The following TSNAXIP1 variants were observed in gnomAD, a reference collection of about 807,000 sequenced individuals.
The protein encoded by TSNAXIP1 is translin-associated factor X-interacting protein 1.
Under a neutral mutation model 84.8 loss-of-function variants are expected in TSNAXIP1, and 89 were observed. That is an observed-to-expected ratio of 1.05 (90% CI 0.88 to 1.25). The LOEUF (loss-of-function observed/expected upper bound fraction) is 1.25, where lower values mean the gene tolerates loss of function less well. Ranked by LOEUF, TSNAXIP1 falls within the 50% of genes most tolerant of loss-of-function variation. The probability of loss-of-function intolerance (pLI) is 0.00; values close to 1 mark genes in which losing one functional copy is unlikely to be tolerated. For missense variants in TSNAXIP1, 874 were observed against 887.6 expected (o/e 0.98, Z 0.20); for synonymous variants, 347 against 335.2 (o/e 1.04, Z -0.39).
intron 1 of TSNAXIP1, among the ~76,000 whole-genome samples, chr16:67,810,117 C>T (rs2055912003): frequency 6.6e-6 from 1 of 152,122 alleles, no homozygotes; most frequent in Admixed American, 6.6e-5. Flanking sequence ...GATGGATAAG[C>T]TAGACCTTAG....
intron 4 of TSNAXIP1, among the ~76,000 whole-genome samples, chr16:67,821,572 C>T (rs193286771): frequency 6.6e-6 from 1 of 151,656 alleles, no homozygotes; most frequent in Non-Finnish European, 1.5e-5. Flanking sequence ...AGTGAGACTC[C>T]GTCTCAAAAA....
chr16:67,825,922 C>A lies in TSNAXIP1; in HGVS notation c.990C>A (p.Asp330Glu). Residue 330 changes from aspartate (D) to glutamate (E), a missense_variant, in exon 9 of 16, where the codon GAC becomes GAA. Physicochemically the swap from Asp to Glu is conservative, Grantham distance 45. Transcript: ENST00000561639. Reference protein sequence around the residue: ...KTNKDLQEQLDTLRASYEEVR... With the variant: ...KTNKDLQEQLETLRASYEEVR... ...GCCAATGTCCTTGCCCACAGCTGGA[C>A]ACCCTGAGAGCCAGCTACGAGGAGG... is the stretch of plus-strand genomic sequence containing the variant. The A allele has an allele frequency of 1.2e-6, 2 of 1,614,074 alleles. No homozygotes were observed. The highest frequency in any genetic ancestry group is 1.3e-5 in the African/African-American group (1 of 75,038).
At chr16:67,816,844 G>T (rs544847352) in intron 2 of TSNAXIP1, among the ~76,000 whole-genome samples, 1 of 152,082 alleles carries the variant, frequency 6.6e-6, no homozygotes, top group Non-Finnish European at 1.5e-5. Flanking sequence ...GCCGAGACCC[G>T]GCCCTGGCAG....
chr16:67,825,629 CACGGTGACACGG>C, intron 7 of TSNAXIP1, 26 bp from the exon 8 acceptor site: 1 of 1,582,946 alleles, frequency 6.3e-7, no homozygotes, highest in Non-Finnish European at 8.6e-7. Flanking sequence ...CTGAGAAAGC[CACGGTGACACGG>C]GCTGGTGGGC....
chr16:67,827,333 C>T lies in TSNAXIP1; in HGVS notation c.1749C>T (p.Ser583=), dbSNP rs1416336283. Residue 583 remains serine, a synonymous_variant, in exon 14 of 16, where the codon AGC becomes AGT. Transcript: ENST00000561639. ...AGGCAGGGGGCTGGCATCCCAGCAG[C>T]AGCAATGCAGACTTGCTCAACTACC... is the stretch of plus-strand genomic sequence containing the variant. ...LMEAGGWHPS[S]SNADLLNYRS... The T allele has an allele frequency of 6.2e-7, 1 of 1,614,202 alleles. No individual in the cohort carries two copies. The highest frequency in any genetic ancestry group is 1.7e-5 in the Admixed American group (1 of 60,024).
At position 67,807,055 on chromosome 16, in the gene TSNAXIP1, G is replaced by A. The variant is rs2055498900; in HGVS notation, c.-95G>A. ...CATCCCTGACTCCGCCCCCGCCGCG[G>A]GGGGGCCTCTGGGGCCTGGTCGCCA... On this transcript the variant is annotated 5_prime_UTR_variant, in exon 1 of 16. Coordinates refer to ENST00000561639, the MANE Select transcript of TSNAXIP1 (RefSeq NM_001288990.3). The A allele has an allele frequency of 1.3e-6, 2 of 1,490,700 alleles. No homozygotes were observed. The highest frequency in any genetic ancestry group is 1.8e-6 in the Non-Finnish European group (2 of 1,124,538). 92.3% of individuals were successfully genotyped at this position (1,490,700 alleles called of 1,614,324 possible).
At chr16:67,827,423 G>C in intron 14 of TSNAXIP1, 48 bp downstream of exon 14, 1 of 1,614,084 alleles carries the variant, frequency 6.2e-7, no homozygotes, top group Non-Finnish European at 8.5e-7. Context: ...CCCTAGCCTT[G>C]GCTGGACCCT....
In TSNAXIP1 at chr16:67,826,263, A is replaced by C. The variant is rs1028442622; in HGVS notation, c.1256A>C (p.Lys419Thr). 4 of 1,580,846 alleles carry C rather than the reference A, an allele frequency of 2.5e-6. No individual in the cohort carries two copies. In the African/African-American group the frequency reaches 5.4e-5, roughly 21 times the overall value. ...EEIGSGLLRE[K>T]DFFPGLGYGE... Reference sequence around the variant, plus strand: ...ATTGGTTCGGGGCTGCTGCGGGAGAAAGACTTCTTCCCTGGTCTGGTAGGG... The same window carrying C: ...ATTGGTTCGGGGCTGCTGCGGGAGACAGACTTCTTCCCTGGTCTGGTAGGG... Residue 419 changes from lysine to threonine, a missense_variant, in exon 10 of 16, where the codon AAA becomes ACA. Lys to Thr is a moderately conservative substitution (Grantham distance 78). Coordinates refer to ENST00000561639, the MANE Select transcript of TSNAXIP1 (RefSeq NM_001288990.3).
At chr16:67,811,434 G>GTTTTTTTTT (rs1312098377) in intron 1 of TSNAXIP1, among the ~76,000 whole-genome samples, 2 of 122,462 alleles carry the variant, frequency 1.6e-5, no homozygotes, top group African/African-American at 7.7e-5. Context: ...GAATTGATTA[G>GTTTTTTTTT]TCTTTTTTTT....
chr16:67,826,097 C>G (rs751860296), intron 9 of TSNAXIP1, 21 bp downstream of exon 9: 1 of 1,613,328 alleles, frequency 6.2e-7, no homozygotes, highest in Admixed American at 1.7e-5. Context: ...CCGGCAGGGC[C>G]CCAGGTCCTG....
At chr16:67,819,815 A>ATCTTTTTTTTTTTTTTTTTTTT in intron 2 of TSNAXIP1, among the ~76,000 whole-genome samples, 1 of 102,662 alleles carries the variant, frequency 9.7e-6, no homozygotes, top group African/African-American at 4.2e-5. Context: ...ACCTGGCTAA[A>ATCTTTTTTTTTTTTTTTTTTTT]TTTTTTTTTT....
In TSNAXIP1 at chr16:67,826,852, G is replaced by A. The variant is rs2057492375; in HGVS notation, c.1554+8G>A. The A allele has an allele frequency of 1.9e-6, 3 of 1,612,992 alleles. No homozygotes were observed. The highest frequency in any genetic ancestry group is 1.7e-5 in the Admixed American group (1 of 59,990). ...GCAGTCTTGATGGGAAAGGTGAGCT[G>A]GGGCCTATTCCCCTTGGGGAGACTG... On this transcript the variant is annotated splice_region_variant and intron_variant, in intron 12 of 15. Coordinates refer to ENST00000561639, the MANE Select transcript of TSNAXIP1 (RefSeq NM_001288990.3).
In TSNAXIP1 at chr16:67,821,162, C is replaced by T. The variant is rs1297303491; in HGVS notation, c.324C>T (p.Tyr108=). The change falls in exon 4 of 16, where the codon TAC becomes TAT. Residue 108 remains tyrosine, a synonymous_variant. Coordinates refer to ENST00000561639, the MANE Select transcript of TSNAXIP1 (RefSeq NM_001288990.3). ...KPQYLEELEN[Y]LRKELLLLDL... ...AGTACTTGGAGGAACTGGAAAACTA[C>T]CTACGCAAGGAGCTCCTCCTGCTGG... 2.5e-6 allele frequency: 4 copies of T among 1,611,360 alleles called. No homozygotes were observed. Among genetic ancestry groups the T allele is most frequent in the Admixed American group, 1.7e-5 (1 of 59,362 alleles).
chr16:67,822,172 G>A (rs919906294), intron 4 of TSNAXIP1, among the ~76,000 whole-genome samples: 13 of 146,718 alleles, frequency 8.9e-5, no homozygotes, highest in South Asian at 2.2e-4. Flanking sequence ...CCAGCTGCTC[G>A]GGAGGCTGAG....
In TSNAXIP1 at chr16:67,823,666, A is replaced by G; in HGVS notation, c.428A>G (p.Lys143Arg). 6.2e-7 allele frequency: 1 copy of G among 1,613,940 alleles called. No homozygotes were observed. Among genetic ancestry groups the G allele is most frequent in the Non-Finnish European group, 8.5e-7 (1 of 1,179,880 alleles). ...TTTGAGTTCTTCATAGAGGACTTCA[A>G]AACGTACAAGCCATTACTATCCTCC... ...EIFEFFIEDF[K>R]TYKPLLSSIK... The change falls in exon 5 of 16, where the codon AAA becomes AGA. Residue 143 changes from lysine (K) to arginine (R), a missense_variant. Lys to Arg is a conservative substitution (Grantham distance 26). Transcript: ENST00000561639.
rs1598117504 is a variant in TSNAXIP1 at position 67,826,981 on chromosome 16, G to A, written c.1573G>A (p.Val525Ile). Residue 525 changes from valine to isoleucine, a missense_variant, in exon 13 of 16, where the codon GTC (valine) becomes ATC (isoleucine). Physicochemically the swap from Val to Ile is conservative, Grantham distance 29 (BLOSUM62 3). Coordinates refer to ENST00000561639, the MANE Select transcript of TSNAXIP1 (RefSeq NM_001288990.3). ...LMGKRSENVY[V>I]TQKETVAQLL... ...CTTATAGCGGAGTGAGAATGTGTATGTCACCCAGAAGGAGACAGTAGCCCA... is the reference window on the plus strand; with the variant it reads ...CTTATAGCGGAGTGAGAATGTGTATATCACCCAGAAGGAGACAGTAGCCCA... 3.7e-6 allele frequency: 6 copies of A among 1,614,044 alleles called. No individual in the cohort carries two copies. Among genetic ancestry groups the A allele is most frequent in the Admixed American group, 3.3e-5 (2 of 59,986 alleles).
At chr16:67,817,881 GT>G (rs2056719307) in intron 2 of TSNAXIP1, among the ~76,000 whole-genome samples, 2 of 150,192 alleles carry the variant, frequency 1.3e-5, no homozygotes, top group African/African-American at 4.9e-5. Context: ...GTGAGGCTCC[GT>G]CTCAAAATAA....
Position 67,826,814 on chromosome 16 carries a change from G to A in TSNAXIP1, c.1524G>A (p.Met508Ile). Residue 508 changes from methionine to isoleucine, a missense_variant, in exon 12 of 16, where the codon ATG becomes ATA. Coordinates refer to ENST00000561639, the MANE Select transcript of TSNAXIP1 (RefSeq NM_001288990.3). ...NIKIFHSNEVMSQFYAVLMGK... is the reference protein window; with the variant it reads ...NIKIFHSNEVISQFYAVLMGK... The stretch of plus-strand genomic sequence containing the variant: ...AGATCTTCCACTCCAACGAGGTTAT[G>A]AGTCAGTTCTATGCAGTCTTGATGG... 1.9e-6 allele frequency: 3 copies of A among 1,613,876 alleles called. No homozygotes were observed. Among genetic ancestry groups the A allele is most frequent in the Non-Finnish European group, 1.7e-6 (2 of 1,180,038 alleles).
Position 67,806,978 on chromosome 16 carries a change from T to C in TSNAXIP1, c.-172T>C. ...CCGCTGCCGGGTCCCAGTCCACCTT[T>C]GCTACTTTGTCCTACTCCCAGCCCG... On this transcript the variant is annotated 5_prime_UTR_variant, in exon 1 of 16. Transcript: ENST00000561639. 9.4e-7 allele frequency: 1 copy of C among 1,061,458 alleles called. No individual in the cohort carries two copies. Among genetic ancestry groups the C allele is most frequent in the Non-Finnish European group, 1.3e-6 (1 of 759,434 alleles). 65.8% of individuals were successfully genotyped at this position (1,061,458 alleles called of 1,614,324 possible).
Sources: allele counts gnomAD v4.1 joint callset (sites outside exome capture counted in the v4.1 genomes callset), GRCh38; gene constraint gnomAD v4.1.1; transcripts MANE v1.5; gene names NCBI Gene and HGNC (gene_info 2026-07-23, HGNC 2026-07-21).